Variants in DLG2 observed in about 807,000 individuals in gnomAD.
The protein encoded by DLG2 is disks large homolog 2.
Under a neutral mutation model 132.5 loss-of-function variants are expected in DLG2, and 45 were observed. The ratio of observed to expected loss-of-function variants is 0.34; its 90% CI spans 0.27 to 0.44. The LOEUF (loss-of-function observed/expected upper bound fraction) is 0.44. Ranked by LOEUF, DLG2 falls within the 20% of genes least tolerant of loss-of-function variation. The pLI is 1.00. For synonymous variants in DLG2, 424 were observed against 419.6 expected, an observed-to-expected ratio of 1.01 and a Z score of -0.13; for missense variants, 1,045 against 1,196.9, an observed-to-expected ratio of 0.87 and a Z score of 1.87.
intron 14 of DLG2, among the ~76,000 whole-genome samples, chr11:83,939,637 G>C (rs551445842): frequency 6.6e-6 from 1 of 152,032 alleles, no homozygotes; most frequent in Non-Finnish European, 1.5e-5. Flanking sequence ...GGAGGCTCGA[G>C]GATGATTGAC....
intron 3 of DLG2, among the ~76,000 whole-genome samples, chr11:85,535,971 T>C (rs1390512540): frequency 6.6e-6 from 1 of 152,044 alleles, no homozygotes; most frequent in African/African-American, 2.4e-5. Flanking sequence ...ATCCCAGCAC[T>C]TTGGGAGGCC....
At chr11:84,037,076 C>T (rs981775008) in intron 11 of DLG2, among the ~76,000 whole-genome samples, 2 of 152,212 alleles carry the variant, frequency 1.3e-5, no homozygotes, top group East Asian at 3.9e-4. Flanking sequence ...CAAGTGAATA[C>T]ACTGCTTTGC....
Position 84,821,095 on chromosome 11 carries a change from G to A in DLG2, c.358-286364C>T, listed in dbSNP as rs140964899. Among the ~76,000 whole-genome samples, 179 of 151,908 alleles carry A rather than the reference G, an allele frequency of 1.2e-3. 2 individuals are homozygous for A. In the East Asian group the frequency reaches 0.032, roughly 27 times the overall value. ...ATCAAATGTGACACAAGAATGTACCGTATAAATTAGTATGTTTTAAATTTT... is the reference window on the plus strand; with the variant it reads ...ATCAAATGTGACACAAGAATGTACCATATAAATTAGTATGTTTTAAATTTT... On this transcript the variant is annotated intron_variant, in intron 6 of 27. Coordinates refer to ENST00000376104, the MANE Select transcript of DLG2 (RefSeq NM_001142699.3).
intron 15 of DLG2, among the ~76,000 whole-genome samples, chr11:83,915,899 T>G (rs2076840575): frequency 6.6e-6 from 1 of 152,096 alleles, no homozygotes; most frequent in South Asian, 2.1e-4. Flanking sequence ...TCCCATAGCC[T>G]CTCCCTCTAG....
intron 10 of DLG2, among the ~76,000 whole-genome samples, chr11:84,076,968 T>C (rs911936512): frequency 3.3e-5 from 5 of 152,206 alleles, no homozygotes; most frequent in Admixed American, 3.3e-4. Flanking sequence ...GTGGAGCAAG[T>C]GTTCCCTCTG....
intron 6 of DLG2, among the ~76,000 whole-genome samples, chr11:85,097,101 C>T (rs182535929): frequency 6.6e-5 from 10 of 152,262 alleles, no homozygotes; most frequent in African/African-American, 2.2e-4. Flanking sequence ...CTCCTGGGTC[C>T]TAACGCCTGT....
chr11:84,587,014 T>C (rs918180444), intron 6 of DLG2, among the ~76,000 whole-genome samples: 1 of 152,206 alleles, frequency 6.6e-6, no homozygotes, highest in Non-Finnish European at 1.5e-5. Context: ...TGAATCATTT[T>C]CTTAAAGGGA....
In DLG2 at chr11:84,135,969, G is replaced by A. The variant is rs147107409; in HGVS notation, c.624+27492C>T. Among the ~76,000 whole-genome samples, 458 of 152,164 alleles carry A rather than the reference G, an allele frequency of 3.0e-3. 3 individuals are homozygous for A. Among genetic ancestry groups the A allele is most frequent in the African/African-American group, 0.01 (435 of 41,510 alleles). On this transcript the variant is annotated intron_variant, in intron 9 of 27. Coordinates refer to ENST00000376104, the MANE Select transcript of DLG2 (RefSeq NM_001142699.3). The stretch of plus-strand genomic sequence containing the variant: ...GGTAGTTGTGTCTGGGAAAATACAG[G>A]TGGAATTTAAGAGTAATTTGAGAGG...
chr11:85,112,295 A>G (rs1017179138), intron 5 of DLG2, among the ~76,000 whole-genome samples: 2 of 152,082 alleles, frequency 1.3e-5, no homozygotes, highest in African/African-American at 4.8e-5. Flanking sequence ...CAGAAATTTG[A>G]CATTCTAAAC....
At chr11:85,010,388 C>G (rs2154134989) in intron 6 of DLG2, among the ~76,000 whole-genome samples, 1 of 152,078 alleles carries the variant, frequency 6.6e-6, no homozygotes, top group Admixed American at 6.5e-5. Flanking sequence ...ACCTAAAGAC[C>G]ATAAATAGCA....
rs114770072 is a variant in DLG2 at position 84,042,900 on chromosome 11, G to A, written c.919+16415C>T. ...CCTGTAGGGGGTGAGGTGCAGGGAG[G>A]GAGAGCAACAGGAAAAAGAGCTAAT... On this transcript the variant is annotated intron_variant, in intron 11 of 27. Transcript: ENST00000376104. 6.0e-3 allele frequency among the ~76,000 whole-genome samples: 910 copies of A among 151,792 alleles called. 9 individuals are homozygous for A. The highest frequency in any genetic ancestry group is 0.021 in the African/African-American group (877 of 41,422).
intron 18 of DLG2, among the ~76,000 whole-genome samples, chr11:83,656,705 A>G (rs1389230400): frequency 1.3e-5 from 2 of 152,202 alleles, no homozygotes; most frequent in Admixed American, 6.5e-5. Context: ...ATTGATCCCA[A>G]TGCAATCTGC....
chr11:84,731,819 CT>C (rs1442256050), intron 6 of DLG2, among the ~76,000 whole-genome samples: 1 of 151,972 alleles, frequency 6.6e-6, no homozygotes, highest in Non-Finnish European at 1.5e-5. Flanking sequence ...ACATTTAAAT[CT>C]GGTAATTTTC....
chr11:85,022,517 A>T (rs1399461272), intron 6 of DLG2, among the ~76,000 whole-genome samples: 4 of 152,124 alleles, frequency 2.6e-5, no homozygotes, highest in Non-Finnish European at 5.9e-5. Context: ...TAAGGAGGAT[A>T]CTATGTCACA....
At chr11:83,760,965 A>G in intron 18 of DLG2, among the ~76,000 whole-genome samples, 1 of 152,180 alleles carries the variant, frequency 6.6e-6, no homozygotes, top group African/African-American at 2.4e-5. Context: ...TAAGACAATG[A>G]GCAGAAGATA....
intron 15 of DLG2, among the ~76,000 whole-genome samples, chr11:83,914,690 A>G (rs1182533037): frequency 6.6e-6 from 1 of 152,170 alleles, no homozygotes; most frequent in Non-Finnish European, 1.5e-5. Flanking sequence ...CAGGATCCGA[A>G]CTCAAGCACA....
chr11:83,906,075 CTCTCTCTATA>C (rs1273236984), intron 15 of DLG2, among the ~76,000 whole-genome samples: 60 of 99,916 alleles, frequency 6.0e-4, no homozygotes, highest in South Asian at 2.3e-3. Context: ...CTCTCTCTCT[CTCTCTCTATA>C]TATATATATA....
At chr11:85,451,145 C>A (rs576784711) in intron 3 of DLG2, among the ~76,000 whole-genome samples, 1 of 152,298 alleles carries the variant, frequency 6.6e-6, no homozygotes, top group South Asian at 2.1e-4. Flanking sequence ...CCCATATCTG[C>A]AAATGATACA....
intron 18 of DLG2, among the ~76,000 whole-genome samples, chr11:83,744,888 G>C (rs893866925): frequency 1.3e-5 from 2 of 152,158 alleles, no homozygotes; most frequent in African/African-American, 4.8e-5. Context: ...ATCAGATTTT[G>C]TTATGAAGTA....
Sources: gnomAD v4.1 joint callset for allele counts (sites outside exome capture counted in the v4.1 genomes callset) on GRCh38, gnomAD v4.1.1 for gene constraint, MANE v1.5 for transcripts, NCBI Gene and HGNC (gene_info 2026-07-23, HGNC 2026-07-21) for gene names.